The following TOP6BL variants were observed in gnomAD, a reference collection of about 807,000 sequenced individuals.
The protein encoded by TOP6BL is TOP6B like initiator of meiotic double strand breaks.
At chr11:66,773,739 C>A in the TOP6BL span, among the ~76,000 whole-genome samples, 1 of 151,962 alleles carries the variant, frequency 6.6e-6, no homozygotes, top group Non-Finnish European at 1.5e-5. Context: ...TATGTAATTT[C>A]TTTTTTCTTT....
chr11:66,800,592 C>T, the TOP6BL span: 1 of 1,445,092 alleles, frequency 6.9e-7, no homozygotes, highest in Non-Finnish European at 9.4e-7. Context: ...AGTTTTTAAT[C>T]TGTATCTTGG....
the TOP6BL span, among the ~76,000 whole-genome samples, chr11:66,776,389 T>C: frequency 6.6e-6 from 1 of 152,186 alleles, no homozygotes; most frequent in Non-Finnish European, 1.5e-5. Flanking sequence ...TGTCATATTG[T>C]ATTGAATAGA....
the TOP6BL span, chr11:66,748,265 G>T: frequency 1.3e-5 from 11 of 821,214 alleles, no homozygotes; most frequent in African/African-American, 1.9e-4. Flanking sequence ...TTAGAAGCAA[G>T]AATACAATTT....
chr11:66,756,509 A>G, the TOP6BL span: 7 of 1,047,884 alleles, frequency 6.7e-6, no homozygotes, highest in Non-Finnish European at 8.1e-6. Flanking sequence ...ATTATGGGTG[A>G]GGAGTGCTTC....
At chr11:66,775,868 T>A in the TOP6BL span, among the ~76,000 whole-genome samples, 1 of 152,192 alleles carries the variant, frequency 6.6e-6, no homozygotes, top group Non-Finnish European at 1.5e-5. Flanking sequence ...AGATATCTTT[T>A]GCTATATTTA....
chr11:66,806,602 T>C, the TOP6BL span, among the ~76,000 whole-genome samples: 1 of 152,166 alleles, frequency 6.6e-6, no homozygotes, highest in African/African-American at 2.4e-5. Flanking sequence ...ACCCTGTCTC[T>C]ATTAAAAATA....
the TOP6BL span, among the ~76,000 whole-genome samples, chr11:66,818,821 T>C: frequency 2.0e-5 from 3 of 152,288 alleles, no homozygotes; most frequent in East Asian, 5.8e-4. Flanking sequence ...CTAAAGAACA[T>C]TCCTTAAGAA....
the TOP6BL span, chr11:66,842,937 G>A: frequency 1.3e-6 from 2 of 1,557,624 alleles, no homozygotes; most frequent in Admixed American, 1.9e-5. Flanking sequence ...CCAGGGCCCC[G>A]AGCCCGTCAG....
At chr11:66,784,000 G>T in the TOP6BL span, among the ~76,000 whole-genome samples, 1 of 151,538 alleles carries the variant, frequency 6.6e-6, no homozygotes, top group African/African-American at 2.4e-5. Flanking sequence ...TAATTTTTTT[G>T]TTTTTGTTTT....
chr11:66,765,267 T>C, the TOP6BL span, among the ~76,000 whole-genome samples: 1 of 152,240 alleles, frequency 6.6e-6, no homozygotes, highest in Non-Finnish European at 1.5e-5. Flanking sequence ...TTTGTCATGG[T>C]GACTTAGTTT....
At chr11:66,819,397 A>G in the TOP6BL span, among the ~76,000 whole-genome samples, 3 of 152,254 alleles carry the variant, frequency 2.0e-5, no homozygotes, top group Non-Finnish European at 4.4e-5. Context: ...TCTTAAAACC[A>G]AACTATGGAA....
At chr11:66,840,702 G>T in the TOP6BL span, among the ~76,000 whole-genome samples, 1 of 152,234 alleles carries the variant, frequency 6.6e-6, no homozygotes, top group South Asian at 2.1e-4. Flanking sequence ...CTCAGGGAAG[G>T]CCTCTTAATT....
chr11:66,837,678 C>T, the TOP6BL span, among the ~76,000 whole-genome samples: 1 of 145,770 alleles, frequency 6.9e-6, no homozygotes, highest in African/African-American at 2.5e-5. Context: ...CTCCTTACCT[C>T]AGGTGATCTG....
At chr11:66,797,446 A>T in the TOP6BL span, among the ~76,000 whole-genome samples, 2 of 152,088 alleles carry the variant, frequency 1.3e-5, no homozygotes, top group Admixed American at 1.3e-4. Context: ...TTTTTGTTAA[A>T]GCTAGATAAT....
the TOP6BL span, among the ~76,000 whole-genome samples, chr11:66,836,593 T>C: frequency 2.0e-5 from 3 of 149,936 alleles, no homozygotes; most frequent in South Asian, 4.3e-4. Context: ...TGGCTCACAC[T>C]TGTAATCCCA....
At chr11:66,750,197 A>T in the TOP6BL span, among the ~76,000 whole-genome samples, 3 of 151,636 alleles carry the variant, frequency 2.0e-5, no homozygotes, top group Non-Finnish European at 4.4e-5. Context: ...GATCTATTTC[A>T]TTTTTTTTGT....
At chr11:66,800,005 T>G in the TOP6BL span, among the ~76,000 whole-genome samples, 1 of 148,126 alleles carries the variant, frequency 6.8e-6, no homozygotes, top group Admixed American at 6.8e-5. Context: ...CACTTGAGCC[T>G]GGGAGACCAA....
chr11:66,751,915 A>G, the TOP6BL span, among the ~76,000 whole-genome samples: 5 of 152,152 alleles, frequency 3.3e-5, no homozygotes, highest in African/African-American at 1.2e-4. Flanking sequence ...AACTTCCAGC[A>G]TTTGTCTAAA....
chr11:66,803,712 A>T, the TOP6BL span, among the ~76,000 whole-genome samples: 1 of 152,220 alleles, frequency 6.6e-6, no homozygotes, highest in Non-Finnish European at 1.5e-5. Context: ...GGCATGAGCC[A>T]CAATGCCTGG....
Sources: gnomAD v4.1 joint callset for allele counts (sites outside exome capture counted in the v4.1 genomes callset) on GRCh38, gnomAD v4.1.1 for gene constraint, MANE v1.5 for transcripts, NCBI Gene and HGNC (gene_info 2026-07-23, HGNC 2026-07-21) for gene names.